The following SLC30A8 variants were observed in gnomAD, a reference collection of about 807,000 sequenced individuals.
SLC30A8 encodes proton-coupled zinc antiporter SLC30A8.
Under a neutral mutation model 36.9 loss-of-function variants are expected in SLC30A8, and 27 were observed. That is an observed-to-expected ratio of 0.73 (90% CI 0.54 to 1.01). The LOEUF is 1.01. Among genes scored for constraint, SLC30A8 ranks in the 50% least tolerant of loss-of-function variants. The probability of loss-of-function intolerance (pLI) is 0.00; values close to 1 mark genes in which losing one functional copy is unlikely to be tolerated. For synonymous variants in SLC30A8, 164 were observed against 172.4 expected, an observed-to-expected ratio of 0.95 and a Z score of 0.38; for missense variants, 439 against 452.0, an observed-to-expected ratio of 0.97 and a Z score of 0.26.
At chr8:117,145,414 G>T (rs1227734824) in intron 1 of SLC30A8, among the ~76,000 whole-genome samples, 2 of 151,224 alleles carry the variant, frequency 1.3e-5, no homozygotes, top group African/African-American at 4.9e-5. Flanking sequence ...ATTTTATTCA[G>T]AAAAATCAAA....
intron 2 of SLC30A8, among the ~76,000 whole-genome samples, chr8:117,107,281 A>G (rs1437870523): frequency 6.6e-6 from 1 of 152,198 alleles, no homozygotes; most frequent in East Asian, 1.9e-4. Flanking sequence ...AGTATTAAAT[A>G]TAGCCCATGA....
chr8:117,130,977 T>G (rs1051145468), upstream of SLC30A8, among the ~76,000 whole-genome samples: 1 of 152,038 alleles, frequency 6.6e-6, no homozygotes, highest in Non-Finnish European at 1.5e-5. Context: ...ATAAAATATT[T>G]CTTTTATTCT....
intron 1 of SLC30A8, among the ~76,000 whole-genome samples, chr8:117,002,359 A>G (rs1254603464): frequency 6.6e-6 from 1 of 152,172 alleles, no homozygotes; most frequent in African/African-American, 2.4e-5. Flanking sequence ...GTTACAAATT[A>G]CATGCCTTAA....
chr8:117,116,262 T>G (rs1249747006), intron 2 of SLC30A8, among the ~76,000 whole-genome samples: 1 of 152,006 alleles, frequency 6.6e-6, no homozygotes, highest in African/African-American at 2.4e-5. Flanking sequence ...GGGCTTTGAT[T>G]AGAAGTGACA....
At chr8:117,063,617 G>T (rs1201239308) in intron 2 of SLC30A8, among the ~76,000 whole-genome samples, 2 of 152,172 alleles carry the variant, frequency 1.3e-5, no homozygotes, top group Non-Finnish European at 2.9e-5. Flanking sequence ...CCTATGTCCT[G>T]TTCCCTGGCA....
intron 2 of SLC30A8, among the ~76,000 whole-genome samples, chr8:117,045,066 CCTT>C (rs1170022083): frequency 3.3e-5 from 5 of 152,218 alleles, no homozygotes; most frequent in African/African-American, 4.8e-5. Context: ...TCTGCATCCT[CCTT>C]CTTTTGGAAA....
At chr8:117,141,219 A>G (rs1429942034) in intron 1 of SLC30A8, among the ~76,000 whole-genome samples, 1 of 152,274 alleles carries the variant, frequency 6.6e-6, no homozygotes, top group East Asian at 1.9e-4. Flanking sequence ...AGGAAATATC[A>G]CAGGAAAATA....
At chr8:117,151,509 C>T (rs1355718651) in intron 2 of SLC30A8, among the ~76,000 whole-genome samples, 1 of 152,240 alleles carries the variant, frequency 6.6e-6, no homozygotes, top group East Asian at 1.9e-4. Context: ...TTATAAGTAG[C>T]TCTGAAGGTT....
intron 4 of SLC30A8, 84 bp from the exon 5 acceptor site, chr8:117,161,654 A>C (rs1321439945): frequency 7.5e-7 from 1 of 1,335,162 alleles, no homozygotes; most frequent in African/African-American, 1.5e-5. Context: ...TGGATAATGC[A>C]TGTTATTGCC....
At chr8:117,054,565 G>T (rs993287624) in intron 2 of SLC30A8, among the ~76,000 whole-genome samples, 5 of 151,926 alleles carry the variant, frequency 3.3e-5, no homozygotes, top group African/African-American at 1.2e-4. Context: ...CTGCCTTTTT[G>T]CACTAATTAG....
intron 2 of SLC30A8, among the ~76,000 whole-genome samples, chr8:117,108,216 T>A (rs900729021): frequency 2.0e-5 from 3 of 152,178 alleles, no homozygotes; most frequent in Non-Finnish European, 4.4e-5. Flanking sequence ...AATACTTTCA[T>A]TCAGTTAAAT....
At chr8:117,143,450 T>C (rs1821751897) in intron 1 of SLC30A8, among the ~76,000 whole-genome samples, 1 of 152,204 alleles carries the variant, frequency 6.6e-6, no homozygotes, top group South Asian at 2.1e-4. Flanking sequence ...TGTTGCATCA[T>C]AGCATTTGCT....
intron 1 of SLC30A8, among the ~76,000 whole-genome samples, chr8:116,956,128 C>A (rs1381410921): frequency 6.6e-6 from 1 of 152,134 alleles, no homozygotes; most frequent in African/African-American, 2.4e-5. Context: ...AAGCAGGATT[C>A]ATATTCTGTC....
At chr8:117,061,005 A>G (rs1174691485) in intron 2 of SLC30A8, among the ~76,000 whole-genome samples, 1 of 152,190 alleles carries the variant, frequency 6.6e-6, no homozygotes, top group African/African-American at 2.4e-5. Context: ...GTAAAGAATT[A>G]GAAGACTTCT....
chr8:117,142,285 G>A (rs1821689407), intron 1 of SLC30A8, among the ~76,000 whole-genome samples: 2 of 152,072 alleles, frequency 1.3e-5, no homozygotes, highest in Non-Finnish European at 2.9e-5. Flanking sequence ...GTCACCACGT[G>A]GGTCAAAGCC....
At chr8:117,095,473 A>G (rs996631905) in intron 2 of SLC30A8, among the ~76,000 whole-genome samples, 2 of 152,048 alleles carry the variant, frequency 1.3e-5, no homozygotes, top group African/African-American at 2.4e-5. Flanking sequence ...GCATAAAAAT[A>G]TATTTATATT....
chr8:117,082,727 G>T (rs577106666), intron 2 of SLC30A8, among the ~76,000 whole-genome samples: 50 of 152,182 alleles, frequency 3.3e-4, no homozygotes, highest in Non-Finnish European at 5.4e-4. Context: ...GATAATGTAA[G>T]AAGTGTTCAG....
chr8:117,120,654 CAG>C (rs1820657067), intron 2 of SLC30A8, among the ~76,000 whole-genome samples: 1 of 151,628 alleles, frequency 6.6e-6, no homozygotes, highest in South Asian at 2.1e-4. Flanking sequence ...ACACAATCAA[CAG>C]AATAAAAAAG....
intron 2 of SLC30A8, among the ~76,000 whole-genome samples, chr8:117,062,420 C>T (rs1052098866): frequency 2.0e-5 from 3 of 152,152 alleles, no homozygotes; most frequent in African/African-American, 7.2e-5. Flanking sequence ...GCAGCAGGCA[C>T]ATCACATGGC....
Sources: allele counts gnomAD v4.1 joint callset (sites outside exome capture counted in the v4.1 genomes callset), GRCh38; gene constraint gnomAD v4.1.1; transcripts MANE v1.5; gene names NCBI Gene and HGNC (gene_info 2026-07-23, HGNC 2026-07-21).